The following ASTN2 variants were observed in gnomAD, a reference collection of about 807,000 sequenced individuals.
ASTN2 encodes astrotactin-2.
ASTN2 carries 54 observed loss-of-function variants against 139.8 expected under a neutral mutation model. The observed-to-expected ratio is 0.39, with a 90% CI of 0.31 to 0.48. The LOEUF is 0.48. ASTN2 is among the 20% of genes least tolerant of loss of function. The pLI is 0.95. For synonymous variants in ASTN2, 756 were observed against 719.5 expected (o/e 1.05, Z -0.81); for missense variants, 1,565 against 1,725.1 (o/e 0.91, Z 1.64).
chr9:116,747,359 T>A (rs1829269830), intron 13 of ASTN2, among the ~76,000 whole-genome samples: 1 of 152,190 alleles, frequency 6.6e-6, no homozygotes, highest in South Asian at 2.1e-4. Context: ...TTTCCCCAAA[T>A]GAAATCCTGA....
chr9:116,828,087 G>A (rs11793465), intron 11 of ASTN2, among the ~76,000 whole-genome samples: 3,177 of 152,270 alleles, frequency 0.021, 43 homozygotes, highest in Non-Finnish European at 0.033. Flanking sequence ...ACTAGGTCAG[G>A]AGTTTGAGAC....
At chr9:116,746,415 T>A (rs1470656120) in intron 13 of ASTN2, among the ~76,000 whole-genome samples, 1 of 152,102 alleles carries the variant, frequency 6.6e-6, no homozygotes, top group African/African-American at 2.4e-5. Context: ...CACACACTCT[T>A]ACTTCATCCT....
At position 116,743,220 on chromosome 9, in the gene ASTN2, TACCCTAGAG is replaced by T. The variant is rs1265435227; in HGVS notation, c.2397-9706_2397-9698del. Among the ~76,000 whole-genome samples the T allele has an allele frequency of 2.0e-4, 30 of 152,178 alleles. No individual in the cohort carries two copies. In the South Asian group the frequency reaches 4.4e-3, roughly 22 times the overall value. On this transcript the variant is annotated intron_variant, in intron 13 of 22. Transcript: ENST00000313400. ...TTGAACTTTGAGTGGACTAAACGTTTACCCTAGAGAAAATGTTTTGTATCCTTAATCAAA... is the reference window on the plus strand; with the variant it reads ...TTGAACTTTGAGTGGACTAAACGTTTAAAATGTTTTGTATCCTTAATCAAA...
chr9:117,202,829 T>C (rs1831772191), intron 3 of ASTN2, among the ~76,000 whole-genome samples: 1 of 152,100 alleles, frequency 6.6e-6, no homozygotes, highest in Non-Finnish European at 1.5e-5. Flanking sequence ...GATCTTCTCG[T>C]GGAGCATCTT....
intron 16 of ASTN2, among the ~76,000 whole-genome samples, chr9:116,678,621 G>C (rs1859646741): frequency 1.3e-5 from 2 of 152,144 alleles, no homozygotes; most frequent in South Asian, 2.1e-4. Flanking sequence ...AAAGTGAAAA[G>C]GGCTTATAAA....
chr9:116,979,753 G>T (rs918341175), intron 7 of ASTN2, among the ~76,000 whole-genome samples: 75 of 152,088 alleles, frequency 4.9e-4, no homozygotes, highest in African/African-American at 1.7e-3. Flanking sequence ...ATGAGGAGGG[G>T]CCAACAAGGA....
intron 7 of ASTN2, among the ~76,000 whole-genome samples, chr9:116,998,702 T>A (rs1350226387): frequency 1.3e-5 from 2 of 152,180 alleles, no homozygotes; most frequent in Non-Finnish European, 2.9e-5. Context: ...TATATACCCA[T>A]ATACAAATGT....
At chr9:116,987,574 T>C (rs1836724639) in intron 7 of ASTN2, among the ~76,000 whole-genome samples, 2 of 152,236 alleles carry the variant, frequency 1.3e-5, no homozygotes, top group Non-Finnish European at 2.9e-5. Context: ...CCTGTGGAAC[T>C]GTGAGTCAAT....
At chr9:116,828,268 T>C (rs1407811004) in intron 11 of ASTN2, among the ~76,000 whole-genome samples, 1 of 141,188 alleles carries the variant, frequency 7.1e-6, no homozygotes, top group African/African-American at 2.7e-5. Flanking sequence ...CTGCATGCAC[T>C]CTAGCCTGGG....
At chr9:116,455,348 C>CAA (rs34816182) in intron 20 of ASTN2, among the ~76,000 whole-genome samples, 4 of 123,778 alleles carry the variant, frequency 3.2e-5, no homozygotes, top group East Asian at 2.4e-4. Flanking sequence ...GATTCTGTCT[C>CAA]AAAAAAAAAA....
intron 4 of ASTN2, among the ~76,000 whole-genome samples, chr9:117,120,823 A>G (rs1245701079): frequency 6.6e-6 from 1 of 152,234 alleles, no homozygotes; most frequent in African/African-American, 2.4e-5. Flanking sequence ...CTATACTTAC[A>G]GACTTTAAGG....
chr9:116,658,022 C>A (rs1057189625), intron 16 of ASTN2, among the ~76,000 whole-genome samples: 1 of 151,946 alleles, frequency 6.6e-6, no homozygotes, highest in African/African-American at 2.4e-5. Context: ...GTAGTTGGGA[C>A]TACAGGTACA....
intron 2 of ASTN2, among the ~76,000 whole-genome samples, chr9:117,284,129 G>A (rs1282956866): frequency 6.6e-6 from 1 of 152,132 alleles, no homozygotes; most frequent in African/African-American, 2.4e-5. Context: ...TTTTAAATGA[G>A]GTTGTTAGGG....
chr9:117,363,643 G>A (rs1829754168), intron 1 of ASTN2, among the ~76,000 whole-genome samples: 1 of 152,102 alleles, frequency 6.6e-6, no homozygotes, highest in African/African-American at 2.4e-5. Flanking sequence ...CAGAGAAGGT[G>A]GCATATTTAA....
In ASTN2 at chr9:116,699,017, T is replaced by C. The variant is rs150813870; in HGVS notation, c.2806+26754A>G. 172 of 1,614,158 alleles carry C rather than the reference T, an allele frequency of 1.1e-4. 3 individuals carry two copies. In the East Asian group the frequency reaches 1.7e-3, roughly 16 times the overall value. On this transcript the variant is annotated intron_variant, in intron 16 of 22. Coordinates refer to ENST00000313400, the MANE Select transcript of ASTN2 (RefSeq NM_001365068.1). The surrounding 1 kb of genome is among the most constrained non-coding windows in gnomAD (Gnocchi z 4.2). ...TTGTGCTAAGCTTCCTTGGGGCAGATCTACCCAACCTCACTCCTCTCTCAG... is the reference window on the plus strand; with the variant it reads ...TTGTGCTAAGCTTCCTTGGGGCAGACCTACCCAACCTCACTCCTCTCTCAG...
At chr9:117,196,935 A>C (rs1358927139) in intron 3 of ASTN2, among the ~76,000 whole-genome samples, 1 of 152,184 alleles carries the variant, frequency 6.6e-6, no homozygotes, top group Non-Finnish European at 1.5e-5. Flanking sequence ...CAGACTTTTT[A>C]AATGGATATG....
intron 6 of ASTN2, among the ~76,000 whole-genome samples, chr9:117,011,871 C>T (rs1304440710): frequency 1.3e-5 from 2 of 152,150 alleles, no homozygotes; most frequent in Admixed American, 1.3e-4. Flanking sequence ...TTCAAGCTAT[C>T]TTGAGGCTCA....
intron 4 of ASTN2, among the ~76,000 whole-genome samples, chr9:117,121,072 T>C (rs1478904340): frequency 1.3e-5 from 2 of 152,220 alleles, no homozygotes; most frequent in Non-Finnish European, 2.9e-5. Flanking sequence ...CTCTATCTGG[T>C]AAAATTATTA....
intron 11 of ASTN2, among the ~76,000 whole-genome samples, chr9:116,823,789 G>A (rs1831551816): frequency 6.6e-6 from 1 of 152,224 alleles, no homozygotes; most frequent in Admixed American, 6.5e-5. Context: ...ACGCCTGTGG[G>A]AAAGGCTTCC....
Sources: allele counts gnomAD v4.1 joint callset (sites outside exome capture counted in the v4.1 genomes callset), GRCh38; gene constraint gnomAD v4.1.1; non-coding constraint Gnocchi (gnomAD v3.1); transcripts MANE v1.5; gene names NCBI Gene and HGNC (gene_info 2026-07-23, HGNC 2026-07-21).